CDH18: variants seen among roughly 807,000 people sequenced by gnomAD.
The protein encoded by CDH18 is cadherin-18.
A neutral mutation model predicts 67.9 loss-of-function variants in CDH18; 31 were observed. That is an observed-to-expected ratio of 0.46 (90% CI 0.34 to 0.62). CDH18 has a LOEUF of 0.62. Among genes scored for constraint, CDH18 ranks in the 20% least tolerant of loss-of-function variants. The pLI is 0.01. For missense variants in CDH18, 890 were observed against 975.5 expected, an observed-to-expected ratio of 0.91 and a Z score of 1.17; for synonymous variants, 362 against 347.2, an observed-to-expected ratio of 1.04 and a Z score of -0.48.
chr5:19,846,791 G>A (rs187426250), intron 2 of CDH18, among the ~76,000 whole-genome samples: 1 of 152,086 alleles, frequency 6.6e-6, no homozygotes, highest in African/African-American at 2.4e-5. Flanking sequence ...ACTCCTTTTG[G>A]AATCTTTTGT....
intron 2 of CDH18, among the ~76,000 whole-genome samples, chr5:20,124,874 T>C (rs373207301): frequency 1.8e-3 from 272 of 152,264 alleles, no homozygotes; most frequent in African/African-American, 6.2e-3. Context: ...ATCTGGTACA[T>C]GACTTAAAGA....
intron 2 of CDH18, among the ~76,000 whole-genome samples, chr5:20,112,670 C>T (rs60463118): frequency 0.041 from 6,206 of 152,058 alleles, 441 homozygotes; most frequent in African/African-American, 0.14. Context: ...GCTGAGATCA[C>T]GCCACTGCAC....
chr5:20,412,276 T>TAGTGTTCAATAAACG (rs1470964809), intron 1 of CDH18, among the ~76,000 whole-genome samples: 1 of 151,994 alleles, frequency 6.6e-6, no homozygotes. Flanking sequence ...GGAAAGGACA[T>TAGTGTTCAATAAACG]AGTGTTCAAT....
chr5:19,891,441 G>A (rs1221076888), intron 2 of CDH18, among the ~76,000 whole-genome samples: 2 of 152,048 alleles, frequency 1.3e-5, no homozygotes, highest in African/African-American at 4.8e-5. Flanking sequence ...TTGAATTAGT[G>A]TTGCTTCAGA....
intron 2 of CDH18, among the ~76,000 whole-genome samples, chr5:20,069,638 C>T (rs1394450164): frequency 2.0e-5 from 3 of 152,092 alleles, no homozygotes; most frequent in South Asian, 2.1e-4. Context: ...GTCTTTATCT[C>T]TTGACCTCAT....
chr5:20,511,401 T>C (rs112661744), intron 1 of CDH18, among the ~76,000 whole-genome samples: 2,569 of 152,192 alleles, frequency 0.017, 69 homozygotes, highest in African/African-American at 0.057. Flanking sequence ...CATAATAAGA[T>C]AAACATGGAT....
At position 19,591,229 on chromosome 5, in the gene CDH18, T is replaced by C. The variant is rs1356458427; in HGVS notation, c.827A>G (p.Tyr276Cys). The C allele has an allele frequency of 1.9e-6, 3 of 1,605,236 alleles. No homozygotes were observed. The highest frequency in any genetic ancestry group is 2.6e-6 in the Non-Finnish European group (3 of 1,176,040). ...PRFPQKHYQLYVPESAQVGSA... is the reference protein window; with the variant it reads ...PRFPQKHYQLCVPESAQVGSA... ...ACCAACTTGAGCTGACTCAGGAACA[T>C]ATAGCTGATAGTGTTCTGGAAGACA... Residue 276 changes from tyrosine to cysteine, a missense_variant, in exon 7 of 13, where the codon TAT (tyrosine) becomes TGT (cysteine). Tyr to Cys is a radical substitution (Grantham distance 194). This residue lies in a region of CDH18 where 656 missense variants were observed against 668.1 expected (regional missense o/e 0.98). Transcript: ENST00000382275.
intron 2 of CDH18, among the ~76,000 whole-genome samples, chr5:20,187,873 T>C (rs1738224919): frequency 6.6e-6 from 1 of 151,806 alleles, no homozygotes; most frequent in African/African-American, 2.4e-5. Flanking sequence ...ACTAATATGC[T>C]TTATAAAAAT....
intron 2 of CDH18, among the ~76,000 whole-genome samples, chr5:19,923,366 C>T (rs1792720869): frequency 6.6e-6 from 1 of 152,138 alleles, no homozygotes; most frequent in South Asian, 2.1e-4. Context: ...ATTTCTTGAT[C>T]CACAGAAACT....
At chr5:19,969,234 A>G (rs1797783805) in intron 2 of CDH18, among the ~76,000 whole-genome samples, 1 of 145,210 alleles carries the variant, frequency 6.9e-6, no homozygotes, top group South Asian at 2.1e-4. Context: ...GAACACTTTT[A>G]CACTGTTGGT....
At chr5:19,586,543 C>T (rs1475558909) in intron 7 of CDH18, among the ~76,000 whole-genome samples, 1 of 152,166 alleles carries the variant, frequency 6.6e-6, no homozygotes, top group Non-Finnish European at 1.5e-5. Context: ...GAATGTAGTT[C>T]CTTTTTATTG....
At chr5:19,623,625 A>C (rs1162746484) in intron 5 of CDH18, among the ~76,000 whole-genome samples, 1 of 152,038 alleles carries the variant, frequency 6.6e-6, no homozygotes, top group Non-Finnish European at 1.5e-5. Context: ...AAATGAGTTC[A>C]AAAGATGAGA....
At chr5:20,346,514 T>A (rs914138277) in intron 1 of CDH18, among the ~76,000 whole-genome samples, 3 of 152,066 alleles carry the variant, frequency 2.0e-5, no homozygotes, top group African/African-American at 7.2e-5. Context: ...TGGGTGAACT[T>A]GAAAAAATAC....
chr5:20,450,554 A>AAAAG (rs1427343218), intron 1 of CDH18, among the ~76,000 whole-genome samples: 2 of 152,172 alleles, frequency 1.3e-5, no homozygotes, highest in East Asian at 3.9e-4. Context: ...AACTCATATC[A>AAAAG]AAAGAAAATG....
At chr5:19,862,399 T>G (rs569452362) in intron 2 of CDH18, among the ~76,000 whole-genome samples, 1 of 152,208 alleles carries the variant, frequency 6.6e-6, no homozygotes, top group African/African-American at 2.4e-5. Flanking sequence ...GTTCATTCAA[T>G]CCCTCAAAAG....
intron 1 of CDH18, among the ~76,000 whole-genome samples, chr5:20,289,243 T>C (rs1159773483): frequency 6.6e-6 from 1 of 152,036 alleles, no homozygotes; most frequent in East Asian, 1.9e-4. Flanking sequence ...ATTCAAAACA[T>C]CCTTATTTCT....
At chr5:19,491,294 ATG>A (rs1741432279) in intron 11 of CDH18, among the ~76,000 whole-genome samples, 1 of 152,194 alleles carries the variant, frequency 6.6e-6, no homozygotes, top group Non-Finnish European at 1.5e-5. Context: ...GGTGGATTAT[ATG>A]TGTGTTATTT....
chr5:20,136,958 G>C (rs1749780876), intron 2 of CDH18, among the ~76,000 whole-genome samples: 1 of 152,124 alleles, frequency 6.6e-6, no homozygotes, highest in South Asian at 2.1e-4. Flanking sequence ...CAAGAGATCT[G>C]CTGTTAGTCT....
At chr5:20,439,599 C>T (rs1362999675) in intron 1 of CDH18, among the ~76,000 whole-genome samples, 1 of 151,680 alleles carries the variant, frequency 6.6e-6, no homozygotes, top group Non-Finnish European at 1.5e-5. Context: ...TAATCAGTTG[C>T]AACCAATAAT....
Sources: allele counts gnomAD v4.1 joint callset (sites outside exome capture counted in the v4.1 genomes callset), GRCh38; gene constraint gnomAD v4.1.1; regional missense constraint gnomAD v4.1.1; transcripts MANE v1.5; gene names NCBI Gene and HGNC (gene_info 2026-07-23, HGNC 2026-07-21).